The following USP22 variants were observed in gnomAD, a reference collection of about 807,000 sequenced individuals.
The protein encoded by USP22 is ubiquitin specific peptidase 22.
In USP22, 22 loss-of-function variants were observed where a neutral mutation model predicts 68.1. The ratio of observed to expected loss-of-function variants is 0.32; its 90% CI spans 0.23 to 0.46. The LOEUF (loss-of-function observed/expected upper bound fraction) is 0.46, where lower values mean the gene tolerates loss of function less well. Ranked by LOEUF, USP22 falls within the 20% of genes least tolerant of loss-of-function variation. The pLI is 1.00. For missense variants in USP22, 433 were observed against 695.8 expected, an observed-to-expected ratio of 0.62 and a Z score of 4.25; for synonymous variants, 279 against 274.2, an observed-to-expected ratio of 1.02 and a Z score of -0.17.
rs527406146 is a variant in USP22, at chr17:21,001,094, T to C, written c.*1937A>G. 6.6e-6 allele frequency: 1 copy of C among 150,856 alleles called. No homozygotes were observed. The highest frequency in any genetic ancestry group is 1.9e-4 in the East Asian group (1 of 5,168). 9.3% of individuals were successfully genotyped at this position (150,856 alleles called of 1,614,324 possible). ...TCCTCAAAGGAGATCTTCAAAGCAC[T>C]GTCACCCAAACAGCAGAACTTGGTC... is the stretch of plus-strand genomic sequence containing the variant. On this transcript the variant is annotated 3_prime_UTR_variant, in exon 13 of 13. Transcript: ENST00000261497.
chr17:21,020,961 T>C (rs949251267), intron 3 of USP22, 152 bp downstream of exon 3: 6 of 632,364 alleles, frequency 9.5e-6, no homozygotes, highest in Non-Finnish European at 1.7e-5. Flanking sequence ...TTCAGCTGAC[T>C]CCACTGTGGG....
At chr17:21,014,389 T>C (rs1256510853) in intron 6 of USP22, among the ~76,000 whole-genome samples, 3 of 152,232 alleles carry the variant, frequency 2.0e-5, no homozygotes, top group Admixed American at 2.0e-4. Flanking sequence ...GGTAACAGCA[T>C]AGTCACTTCC....
Position 21,042,767 on chromosome 17 carries a change from G to GCAGCCCGGCGGCGCTACCGC in USP22, c.49_68dup (p.Cys23TrpfsTer3). The GCAGCCCGGCGGCGCTACCGC allele has an allele frequency of 6.7e-7, 1 of 1,496,300 alleles. No individual in the cohort carries two copies. The highest frequency in any genetic ancestry group is 1.3e-5 in the South Asian group (1 of 78,968). The allele number at this position is 1,496,300 out of a possible 1,614,324, so 92.7% of individuals were successfully genotyped here. A position where few individuals can be genotyped will look rare whatever the true frequency, so the allele number is the denominator to read the frequency against. On this transcript the variant is annotated stop_gained and frameshift_variant, in exon 1 of 13. Coordinates refer to ENST00000261497, the MANE Select transcript of USP22 (RefSeq NM_015276.2). LOFTEE classifies it high-confidence loss of function. ...CCACCTTGAAGCTGCCCAGGTGCGAGCAGCCCGGCGGCGCTACCGCCAGCT... is the reference window on the plus strand; with the variant it reads ...CCACCTTGAAGCTGCCCAGGTGCGAGCAGCCCGGCGGCGCTACCGCCAGCCCGGCGGCGCTACCGCCAGCT...
chr17:21,037,338 T>A (rs62058988), intron 1 of USP22, among the ~76,000 whole-genome samples: 113,189 of 151,642 alleles, frequency 0.75, 42,695 homozygotes, highest in South Asian at 0.82. Context: ...CTCCCTTCTA[T>A]TATAAACAGT....
At chr17:21,011,541 C>T (rs1913970849) in intron 7 of USP22, 1 of 506,892 alleles carries the variant, frequency 2.0e-6, no homozygotes, top group Non-Finnish European at 3.5e-6. Context: ...AGGGGCGCTC[C>T]TCAAGCAAGG....
In USP22 at chr17:21,038,139, A is replaced by G. The variant is rs545606169; in HGVS notation, c.171+4526T>C. Reference sequence around the variant, plus strand: ...TTAAAGTATACTTTTAAAATAGCACATATCATCCCAGCACTGTGGGAGGCC... The same window carrying G: ...TTAAAGTATACTTTTAAAATAGCACGTATCATCCCAGCACTGTGGGAGGCC... On this transcript the variant is annotated intron_variant, in intron 1 of 12. Coordinates refer to ENST00000261497, the MANE Select transcript of USP22 (RefSeq NM_015276.2). 3.3e-5 allele frequency among the ~76,000 whole-genome samples: 5 copies of G among 152,340 alleles called. No homozygotes were observed. The South Asian group carries it at 6.2e-4, about 19-fold the overall frequency.
At position 21,042,720 on chromosome 17, in the gene USP22, C is replaced by T. The variant is rs772834296; in HGVS notation, c.116G>A (p.Arg39Gln). 4 of 1,459,116 alleles carry T rather than the reference C, an allele frequency of 2.7e-6. No individual in the cohort carries two copies. Among genetic ancestry groups the T allele is most frequent in the Non-Finnish European group, 3.6e-6 (4 of 1,100,042 alleles). 90.4% of individuals were successfully genotyped at this position (1,459,116 alleles called of 1,614,324 possible). The change falls in exon 1 of 13, where the codon CGG (arginine) becomes CAG (glutamine). Residue 39 changes from arginine to glutamine, a missense_variant. Arg to Gln is a conservative substitution (Grantham distance 43). This residue lies in a region of USP22 where 110 missense variants were observed against 89.9 expected (regional missense o/e 1.22). Transcript: ENST00000261497. Reference sequence around the variant, plus strand: ...CCACACGAAGCACTGGTAGATGGCCCGCAGGTTCTGCTTCCAGTTGTCCAC... The same window carrying T: ...CCACACGAAGCACTGGTAGATGGCCTGCAGGTTCTGCTTCCAGTTGTCCAC... ...FKVDNWKQNLRAIYQCFVWSG... is the reference protein window; with the variant it reads ...FKVDNWKQNLQAIYQCFVWSG...
chr17:21,033,732 A>AT (rs751715216), intron 1 of USP22, among the ~76,000 whole-genome samples: 21 of 151,174 alleles, frequency 1.4e-4, no homozygotes, highest in Non-Finnish European at 2.5e-4. Context: ...AAACACTGAC[A>AT]TAAGTGAAGG....
chr17:21,013,675 A>G lies in USP22; in HGVS notation c.839-740T>C, dbSNP rs76478301. Among the ~76,000 whole-genome samples, 450 of 152,352 alleles carry G rather than the reference A, an allele frequency of 3.0e-3. 4 individuals carry two copies. The highest frequency in any genetic ancestry group is 0.01 in the African/African-American group (432 of 41,580). On this transcript the variant is annotated intron_variant, in intron 6 of 12. Transcript: ENST00000261497. ...GAGAAGGGCCACTAAGTCTTCTGAGAGCAGAAGGTTTAAGATTAGAGAGAA... is the reference window on the plus strand; with the variant it reads ...GAGAAGGGCCACTAAGTCTTCTGAGGGCAGAAGGTTTAAGATTAGAGAGAA...
At chr17:21,033,090 T>C (rs996065) in intron 1 of USP22, among the ~76,000 whole-genome samples, 113,393 of 151,944 alleles carry the variant, frequency 0.75, 42,782 homozygotes, top group South Asian at 0.82. Context: ...ACATGGACCG[T>C]GGAGGGGTGG....
chr17:21,040,485 T>C (rs1972413516), intron 1 of USP22, among the ~76,000 whole-genome samples: 2 of 152,224 alleles, frequency 1.3e-5, no homozygotes, highest in African/African-American at 2.4e-5. Flanking sequence ...GAAATATTTT[T>C]CACTACCCGA....
At chr17:21,004,385 G>GT (rs1567789128) in intron 11 of USP22, 34 bp from the exon 12 acceptor site, 18 of 1,609,184 alleles carry the variant, frequency 1.1e-5, no homozygotes, top group Non-Finnish European at 1.5e-5. Flanking sequence ...GAGGGCGCAG[G>GT]TGACTTGATG....
intron 7 of USP22, 28 bp downstream of exon 7, chr17:21,012,802 A>C: frequency 6.2e-7 from 1 of 1,602,372 alleles, no homozygotes; most frequent in Non-Finnish European, 8.6e-7. Flanking sequence ...AGGGTTTGAT[A>C]TTGCCGAGCA....
chr17:21,024,988 G>A (rs1202588802), intron 2 of USP22, among the ~76,000 whole-genome samples: 1 of 151,986 alleles, frequency 6.6e-6, no homozygotes, highest in African/African-American at 2.4e-5. Context: ...AAAGAAACTG[G>A]ACTTCATCAG....
chr17:21,038,505 CA>C (rs527319467), intron 1 of USP22, among the ~76,000 whole-genome samples: 48 of 151,850 alleles, frequency 3.2e-4, no homozygotes, highest in African/African-American at 1.2e-3. Context: ...TCATGGCTAC[CA>C]AAAATACAAA....
At chr17:21,020,244 C>CAAAAAAAAAAAAAAAA (rs3047597) in intron 3 of USP22, among the ~76,000 whole-genome samples, 24 of 73,284 alleles carry the variant, frequency 3.3e-4, no homozygotes, top group East Asian at 6.4e-4. Context: ...AATCAAAAAC[C>CAAAAAAAAAAAAAAAA]AAAAAAAAAA....
intron 6 of USP22, among the ~76,000 whole-genome samples, chr17:21,013,484 T>G (rs719094): frequency 0.33 from 49,946 of 152,142 alleles, 8,724 homozygotes; most frequent in African/African-American, 0.41. Context: ...ACACACTTCA[T>G]TCATATCCAT....
At chr17:21,042,055 C>T (rs188341866) in intron 1 of USP22, among the ~76,000 whole-genome samples, 1 of 152,252 alleles carries the variant, frequency 6.6e-6, no homozygotes, top group Non-Finnish European at 1.5e-5. Flanking sequence ...CGCCTCCTGC[C>T]CCAGCTCCCG....
rs758269735 is a variant in USP22 at position 21,021,098 on chromosome 17, G to T, written c.418+15C>A. ...AACTGCAGGATCAAGCAGGTAAACT[G>T]AGGTGGAACCAAACCTTGCATTTTC... On this transcript the variant is annotated intron_variant, in intron 3 of 12. Coordinates refer to ENST00000261497, the MANE Select transcript of USP22 (RefSeq NM_015276.2). The T allele has an allele frequency of 5.0e-6, 8 of 1,599,952 alleles. No individual in the cohort carries two copies. The Admixed American group carries it at 6.7e-5, about 13-fold the overall frequency.
Sources: gnomAD v4.1 joint callset for allele counts (sites outside exome capture counted in the v4.1 genomes callset) on GRCh38, gnomAD v4.1.1 for gene constraint, gnomAD v4.1.1 regional missense constraint, MANE v1.5 for transcripts, NCBI Gene and HGNC (gene_info 2026-07-23, HGNC 2026-07-21) for gene names.